Variants in SBNO2 observed in about 807,000 individuals in gnomAD.
The protein encoded by SBNO2 is strawberry notch homolog 2, also known as protein strawberry notch homolog 2.
In SBNO2, 89 loss-of-function variants were observed where a neutral mutation model predicts 146.3. That is an observed-to-expected ratio of 0.61 (90% CI 0.51 to 0.73). SBNO2 has a LOEUF of 0.73. SBNO2 is among the 30% of genes least tolerant of loss of function. SBNO2 has a pLI of 0.00. For missense variants in SBNO2, 2,092 were observed against 2,003.7 expected (o/e 1.04, Z -0.84); for synonymous variants, 1,147 against 892.6 (o/e 1.29, Z -5.08).
intron 4 of SBNO2, among the ~76,000 whole-genome samples, chr19:1,131,104 C>T (rs775272059): frequency 1.3e-5 from 2 of 152,204 alleles, no homozygotes; most frequent in Non-Finnish European, 2.9e-5. Context: ...CAGCCACCAG[C>T]TCACCTCAGA....
intron 2 of SBNO2, among the ~76,000 whole-genome samples, chr19:1,152,008 T>C (rs2080246750): frequency 6.6e-6 from 1 of 152,086 alleles, no homozygotes; most frequent in Non-Finnish European, 1.5e-5. Flanking sequence ...TGGAAGAGGC[T>C]GGGCTGTGCG....
At chr19:1,121,999 C>G (rs914423123) in intron 11 of SBNO2, 140 bp downstream of exon 11, 1 of 601,692 alleles carries the variant, frequency 1.7e-6, no homozygotes, top group East Asian at 5.8e-5. Context: ...CTTCCCCAGC[C>G]CCACCCCTCC....
chr19:1,115,856 A>G, intron 17 of SBNO2, 165 bp downstream of exon 17: 3 of 680,882 alleles, frequency 4.4e-6, no homozygotes, highest in Non-Finnish European at 8.0e-6. Context: ...GGGTCCACGC[A>G]AGACCTGCCA....
intron 17 of SBNO2, 110 bp downstream of exon 17, chr19:1,115,911 A>G (rs1006595256): frequency 9.4e-6 from 8 of 851,328 alleles, no homozygotes; most frequent in Middle Eastern, 2.2e-4. Flanking sequence ...CAGGACCTGC[A>G]TTTGGCTGAG....
Position 1,108,348 on chromosome 19 carries a change from C to A in SBNO2, c.3973G>T (p.Ala1325Ser). Residue 1325 changes from alanine (A) to serine (S), a missense_variant, in exon 32 of 32, where the codon GCG (alanine) becomes TCG (serine). By Grantham distance (99) the Ala-to-Ser change is moderately conservative. Coordinates refer to ENST00000361757, the MANE Select transcript of SBNO2 (RefSeq NM_014963.3). ...AGCGCGCCCTCGGAGGGCGGCCCCG[C>A]GTGCAGCGAGCGCAGCATGTCCTCC... Reference protein sequence around the residue: ...VLEDMLRSLHAGPPSEGALGE... With the variant: ...VLEDMLRSLHSGPPSEGALGE... 2 of 1,304,692 alleles carry A rather than the reference C, an allele frequency of 1.5e-6. No individual in the cohort carries two copies. Among genetic ancestry groups the A allele is most frequent in the Non-Finnish European group, 2.0e-6 (2 of 1,022,246 alleles). The allele number at this position is 1,304,692 out of a possible 1,614,324, so 80.8% of individuals were successfully genotyped here.
In SBNO2 at chr19:1,112,139, A is replaced by C. The variant is rs745951331; in HGVS notation, c.2628+50T>G. 1.9e-6 allele frequency: 3 copies of C among 1,598,692 alleles called. No individual in the cohort carries two copies. The highest frequency in any genetic ancestry group is 3.4e-5 in the Admixed American group (2 of 58,168). ...TCTAGCACCCCACAAAGCTTTGGAG[A>C]GCCTTCCTGGGCCTGTCCCTGGTTC... On this transcript the variant is annotated intron_variant, in intron 22 of 31. Coordinates refer to ENST00000361757, the MANE Select transcript of SBNO2 (RefSeq NM_014963.3). The surrounding 1 kb of genome is among the most constrained non-coding windows in gnomAD (Gnocchi z 5.9).
intron 4 of SBNO2, among the ~76,000 whole-genome samples, chr19:1,141,877 C>T (rs1027747423): frequency 5.3e-5 from 8 of 152,128 alleles, no homozygotes; most frequent in African/African-American, 1.9e-4. Flanking sequence ...CCCGCCTTGG[C>T]CTCCCAAAGT....
At chr19:1,125,663 G>C (rs977723140) in intron 5 of SBNO2, among the ~76,000 whole-genome samples, 20 of 146,552 alleles carry the variant, frequency 1.4e-4, no homozygotes, top group African/African-American at 4.9e-4. Flanking sequence ...ACAAGAGCGA[G>C]AGACTCTGTC....
rs1308700664 is a variant in SBNO2 at position 1,107,718 on chromosome 19, A to C, written c.*502T>G. 1 of 152,962 alleles carries C rather than the reference A, an allele frequency of 6.5e-6. No individual in the cohort carries two copies. The highest frequency in any genetic ancestry group is 1.5e-5 in the Non-Finnish European group (1 of 68,324). 9.5% of individuals were successfully genotyped at this position (152,962 alleles called of 1,614,324 possible). A position where few individuals can be genotyped will look rare whatever the true frequency, so the allele number is the denominator to read the frequency against. Reference sequence around the variant, plus strand: ...CTTGCTATAAATACATAGAAACCGCAGGCGCCACCCTGCCAGCTCCGCGGC... The same window carrying C: ...CTTGCTATAAATACATAGAAACCGCCGGCGCCACCCTGCCAGCTCCGCGGC... On this transcript the variant is annotated 3_prime_UTR_variant, in exon 32 of 32. Coordinates refer to ENST00000361757, the MANE Select transcript of SBNO2 (RefSeq NM_014963.3).
rs762527662 is a variant in SBNO2, at chr19:1,123,966, G to T, written c.498C>A (p.Ser166Arg). The T allele has an allele frequency of 6.2e-7, 1 of 1,611,930 alleles. No individual in the cohort carries two copies. Among genetic ancestry groups the T allele is most frequent in the South Asian group, 1.1e-5 (1 of 90,742 alleles). The stretch of plus-strand genomic sequence containing the variant: ...CCTGGTAGCTGACGAGAAGCGGGGT[G>T]CTGTGGGAGGGCAGAAAGTCCTCGA... ...AGFEDFLPSH[S>R]TPLLVSYQEQ... is the part of the protein sequence containing the mutation. Residue 166 changes from serine (S) to arginine (R), a missense_variant, in exon 6 of 32, where the codon AGC becomes AGA. By Grantham distance (110) the Ser-to-Arg change is moderately radical (BLOSUM62 -1). Coordinates refer to ENST00000361757, the MANE Select transcript of SBNO2 (RefSeq NM_014963.3).
intron 17 of SBNO2, 133 bp downstream of exon 17, chr19:1,115,888 T>C: frequency 1.3e-6 from 1 of 761,146 alleles, no homozygotes; most frequent in Non-Finnish European, 2.3e-6. Context: ...GCCTTGAGCC[T>C]GCCTGGCACG....
intron 14 of SBNO2, among the ~76,000 whole-genome samples, chr19:1,118,287 A>C (rs2079856643): frequency 6.6e-6 from 1 of 152,086 alleles, no homozygotes; most frequent in Non-Finnish European, 1.5e-5. Flanking sequence ...GCGGTGAGCC[A>C]AGATCGTGCC....
intron 1 of SBNO2, among the ~76,000 whole-genome samples, chr19:1,172,484 G>C (rs893798919): frequency 5.9e-5 from 9 of 152,154 alleles, no homozygotes; most frequent in Non-Finnish European, 1.3e-4. Context: ...GCACCTGCTG[G>C]GCCTGCCACA....
At chr19:1,111,637 G>A (rs941363493) in intron 23 of SBNO2, 23 bp from the exon 24 acceptor site, 3 of 1,539,106 alleles carry the variant, frequency 1.9e-6, no homozygotes, top group Non-Finnish European at 2.6e-6. Flanking sequence ...GGTGACTCGG[G>A]GAGGAGGCCC....
chr19:1,153,475 G>C (rs1463048771), intron 2 of SBNO2, among the ~76,000 whole-genome samples: 1 of 151,908 alleles, frequency 6.6e-6, no homozygotes, highest in East Asian at 2.0e-4. Flanking sequence ...CTGACCTCAA[G>C]TGATCTGCCC....
intron 1 of SBNO2, among the ~76,000 whole-genome samples, chr19:1,164,226 G>A (rs983584068): frequency 2.6e-5 from 4 of 152,224 alleles, no homozygotes; most frequent in African/African-American, 9.6e-5. Flanking sequence ...AAGTTCCCAA[G>A]CTCGGAGATG....
At chr19:1,135,417 C>T (rs978578122) in intron 4 of SBNO2, among the ~76,000 whole-genome samples, 1 of 152,188 alleles carries the variant, frequency 6.6e-6, no homozygotes, top group Non-Finnish European at 1.5e-5. Flanking sequence ...TTTAAAAGAC[C>T]TGGAAAGCAA....
chr19:1,144,581 C>T lies in SBNO2; in HGVS notation c.279+2728G>A, dbSNP rs192334689. 2.2e-4 allele frequency among the ~76,000 whole-genome samples: 33 copies of T among 148,818 alleles called. No homozygotes were observed. The highest frequency in any genetic ancestry group is 3.7e-4 in the Non-Finnish European group (25 of 67,020). On this transcript the variant is annotated intron_variant, in intron 4 of 31. Transcript: ENST00000361757. The surrounding 1 kb of genome is among the most constrained non-coding windows in gnomAD (Gnocchi z 4.1). ...AGAGACAGAGACAGGGAGACAGAGA[C>T]GCAGAGACATAGAGACATAGAGACA...
chr19:1,108,057 A>T lies in SBNO2; in HGVS notation c.*163T>A. On this transcript the variant is annotated 3_prime_UTR_variant, in exon 32 of 32. Coordinates refer to ENST00000361757, the MANE Select transcript of SBNO2 (RefSeq NM_014963.3). ...CCAGCTGTCCTGAGTGGGCCCCGCCAGGGCTGACCAGGTGGGGGCCCGGGT... is the reference window on the plus strand; with the variant it reads ...CCAGCTGTCCTGAGTGGGCCCCGCCTGGGCTGACCAGGTGGGGGCCCGGGT... 1 of 715,072 alleles carries T rather than the reference A, an allele frequency of 1.4e-6. No individual in the cohort carries two copies. Among genetic ancestry groups the T allele is most frequent in the East Asian group, 4.3e-5 (1 of 23,034 alleles). The allele number at this position is 715,072 out of a possible 1,614,324, so 44.3% of individuals were successfully genotyped here. A position where few individuals can be genotyped will look rare whatever the true frequency, so the allele number is the denominator to read the frequency against.
Sources: allele counts gnomAD v4.1 joint callset (sites outside exome capture counted in the v4.1 genomes callset), GRCh38; gene constraint gnomAD v4.1.1; non-coding constraint Gnocchi (gnomAD v3.1); transcripts MANE v1.5; gene names NCBI Gene and HGNC (gene_info 2026-07-23, HGNC 2026-07-21).